PCDHA10: variants seen among roughly 807,000 people sequenced by gnomAD.
PCDHA10 encodes the protein protocadherin alpha 10.
PCDHA10 carries 45 observed loss-of-function variants against 61.2 expected under a neutral mutation model. The observed-to-expected ratio is 0.74, with a 90% confidence interval of 0.58 to 0.94. The LOEUF (loss-of-function observed/expected upper bound fraction) is 0.94, where lower values mean the gene tolerates loss of function less well. Ranked by LOEUF, PCDHA10 falls within the 40% of genes least tolerant of loss-of-function variation. The pLI, the probability that PCDHA10 is intolerant of heterozygous loss-of-function variation, is 0.00. For synonymous variants in PCDHA10, 602 were observed against 548.8 expected (o/e 1.10, Z -1.35); for missense variants, 1,278 against 1,236.2 (o/e 1.03, Z -0.51).
intron 1 of PCDHA10, among the ~76,000 whole-genome samples, chr5:140,897,304 G>C (rs1297881439): frequency 1.7e-4 from 25 of 150,768 alleles, no homozygotes; most frequent in African/African-American, 6.1e-4. Flanking sequence ...TTTAGCATTA[G>C]GTATATCTCC....
At chr5:140,882,127 C>G in intron 1 of PCDHA10, 2 of 1,464,686 alleles carry the variant, frequency 1.4e-6, no homozygotes. Flanking sequence ...TTTCTTTCTT[C>G]CTGCAGAAAA....
At chr5:140,882,247 T>C in intron 1 of PCDHA10, 1 of 1,594,292 alleles carries the variant, frequency 6.3e-7, no homozygotes, top group Non-Finnish European at 8.6e-7. Context: ...TGCAGATAGC[T>C]CTGAGGTTTT....
chr5:140,981,141 A>G (rs957272254), intron 2 of PCDHA10, among the ~76,000 whole-genome samples: 2 of 152,242 alleles, frequency 1.3e-5, no homozygotes, highest in African/African-American at 4.8e-5. Flanking sequence ...AAAGAGTGAG[A>G]AAACATTGAA....
At chr5:140,882,009 A>C in intron 1 of PCDHA10, 1 of 522,488 alleles carries the variant, frequency 1.9e-6, no homozygotes, top group East Asian at 3.2e-5. Context: ...AGGGGCAAAA[A>C]AATACTACAT....
intron 1 of PCDHA10, among the ~76,000 whole-genome samples, chr5:140,962,457 G>T (rs1563323233): frequency 6.6e-6 from 1 of 151,950 alleles, no homozygotes; most frequent in Non-Finnish European, 1.5e-5. Flanking sequence ...AATCTCTTAT[G>T]GCTTGAATCT....
chr5:140,882,265 T>C, intron 1 of PCDHA10: 1 of 1,609,948 alleles, frequency 6.2e-7, no homozygotes, highest in Non-Finnish European at 8.5e-7. Flanking sequence ...TTTTGGAGTG[T>C]ACCATGCTGT....
In PCDHA10 at chr5:140,949,013, T is replaced by C. The variant is rs541040709; in HGVS notation, c.2389-29936T>C. Among the ~76,000 whole-genome samples, 141 of 151,862 alleles carry C rather than the reference T, an allele frequency of 9.3e-4. No homozygotes were observed. In the Middle Eastern group the frequency reaches 0.01, roughly 11 times the overall value. On this transcript the variant is annotated intron_variant, in intron 1 of 3. Transcript: ENST00000307360. ...GCATTTTACTAATTTTTATATGTGATGTTTTTATTTTTATTCATTTAAAAG... is the reference window on the plus strand; with the variant it reads ...GCATTTTACTAATTTTTATATGTGACGTTTTTATTTTTATTCATTTAAAAG...
chr5:140,992,676 G>A (rs2097524186), intron 3 of PCDHA10, among the ~76,000 whole-genome samples: 1 of 152,146 alleles, frequency 6.6e-6, no homozygotes, highest in African/African-American at 2.4e-5. Flanking sequence ...GTATGTGTGT[G>A]TTAGGGGTTG....
In PCDHA10 at chr5:140,883,748, C is replaced by T. The variant is rs782541066; in HGVS notation, c.2388+25312C>T. The T allele has an allele frequency of 4.3e-6, 7 of 1,613,146 alleles. No individual in the cohort carries two copies. The East Asian group carries it at 1.6e-4, about 36-fold the overall frequency. On this transcript the variant is annotated intron_variant, in intron 1 of 3. Transcript: ENST00000307360. ...GGAGAACGCGCTGGTCTCCTACTCG[C>T]TGGTGGAGCGGCGGGTGGGCGAGCG... is the stretch of plus-strand genomic sequence containing the variant.
intron 1 of PCDHA10, among the ~76,000 whole-genome samples, chr5:140,938,340 T>A (rs1210571018): frequency 6.6e-6 from 1 of 152,224 alleles, no homozygotes; most frequent in Non-Finnish European, 1.5e-5. Flanking sequence ...TAATGGATAA[T>A]CTTGTCTTAT....
intron 1 of PCDHA10, among the ~76,000 whole-genome samples, chr5:140,908,655 G>C (rs1419890192): frequency 6.6e-6 from 1 of 152,176 alleles, no homozygotes; most frequent in East Asian, 1.9e-4. Context: ...ATGGGGGCCT[G>C]CCAAAGGCTC....
intron 1 of PCDHA10, among the ~76,000 whole-genome samples, chr5:140,932,592 T>C (rs1435571468): frequency 7.2e-5 from 11 of 151,922 alleles, no homozygotes; most frequent in Non-Finnish European, 2.9e-5. Context: ...AGATGTTTTG[T>C]ATATCTATTT....
intron 1 of PCDHA10, among the ~76,000 whole-genome samples, chr5:140,965,277 G>A (rs1209263426): frequency 6.6e-6 from 1 of 152,196 alleles, no homozygotes; most frequent in African/African-American, 2.4e-5. Context: ...CAATGACACA[G>A]CATGGAAAGA....
In PCDHA10 at chr5:140,886,699, G is replaced by A. The variant is rs540537249; in HGVS notation, c.2388+28263G>A. Among the ~76,000 whole-genome samples the A allele has an allele frequency of 7.8e-4, 119 of 151,966 alleles. 1 individual carries two copies. In the East Asian group the frequency reaches 0.01, roughly 13 times the overall value. ...AAATTAGCGAGGCATGGTGGCACGC[G>A]CCTGTAATCCCAGCTACTTGGGAGG... On this transcript the variant is annotated intron_variant, in intron 1 of 3. Transcript: ENST00000307360.
rs1222255074 is a variant in PCDHA10 at position 141,012,119 on chromosome 5, A to G, written c.*2182A>G. ...CATTTTGCCCCACTGAAGCCCATGT[A>G]TCTGACCTTACGTGCCTTTTGAACT... On this transcript the variant is annotated 3_prime_UTR_variant, in exon 4 of 4. Coordinates refer to ENST00000307360, the MANE Select transcript of PCDHA10 (RefSeq NM_018901.4). 6.5e-6 allele frequency: 1 copy of G among 153,734 alleles called. No individual in the cohort carries two copies. Among genetic ancestry groups the G allele is most frequent in the African/African-American group, 2.4e-5 (1 of 41,454 alleles). 9.5% of individuals were successfully genotyped at this position (153,734 alleles called of 1,614,324 possible). A position where few individuals can be genotyped will look rare whatever the true frequency, so the allele number is the denominator to read the frequency against.
intron 1 of PCDHA10, among the ~76,000 whole-genome samples, chr5:140,946,108 T>C (rs782062288): frequency 2.0e-5 from 3 of 151,938 alleles, no homozygotes; most frequent in Non-Finnish European, 4.4e-5. Context: ...ATACCAAATA[T>C]ATAAGGAACT....
intron 1 of PCDHA10, among the ~76,000 whole-genome samples, chr5:140,874,080 C>A (rs2054679872): frequency 6.6e-6 from 1 of 152,142 alleles, no homozygotes; most frequent in South Asian, 2.1e-4. Flanking sequence ...CTGATGACAT[C>A]AAAATTCAAA....
intron 1 of PCDHA10, chr5:140,966,584 G>C (rs1227691524): frequency 7.4e-6 from 4 of 541,586 alleles, no homozygotes; most frequent in African/African-American, 6.0e-5. Context: ...CAGCGAGGAC[G>C]GTGGGGCCAG....
Position 141,011,124 on chromosome 5 carries a change from G to A in PCDHA10, c.*1187G>A, listed in dbSNP as rs893951024. ...TCTCTCTTTTCTAAGAAACAATTAT[G>A]TGCACTTTGATACACAACCTTCTCT... On this transcript the variant is annotated 3_prime_UTR_variant, in exon 4 of 4. Transcript: ENST00000307360. 1 of 153,618 alleles carries A rather than the reference G, an allele frequency of 6.5e-6. No individual in the cohort carries two copies. The highest frequency in any genetic ancestry group is 2.4e-5 in the African/African-American group (1 of 41,382). 9.5% of individuals were successfully genotyped at this position (153,618 alleles called of 1,614,324 possible).
Sources: allele counts gnomAD v4.1 joint callset (sites outside exome capture counted in the v4.1 genomes callset), GRCh38; gene constraint gnomAD v4.1.1; transcripts MANE v1.5; gene names NCBI Gene and HGNC (gene_info 2026-07-23, HGNC 2026-07-21).